Variants in NOL4 observed in about 807,000 individuals in gnomAD.
NOL4 encodes the protein cancer/testis antigen 125.
A neutral mutation model predicts 75.9 loss-of-function variants in NOL4; 17 were observed. The ratio of observed to expected loss-of-function variants is 0.22; its 90% CI spans 0.15 to 0.34. NOL4 has a LOEUF of 0.34. Among genes scored for constraint, NOL4 ranks in the 10% least tolerant of loss-of-function variants. The pLI, the probability that NOL4 is intolerant of heterozygous loss-of-function variation, is 1.00. For missense variants in NOL4, 614 were observed against 793.5 expected (o/e 0.77, Z 2.72); for synonymous variants, 292 against 289.9 (o/e 1.01, Z -0.07).
chr18:33,893,059 T>A (rs931896857), intron 9 of NOL4, among the ~76,000 whole-genome samples: 2 of 152,242 alleles, frequency 1.3e-5, no homozygotes, highest in African/African-American at 4.8e-5. Context: ...CCACATACAA[T>A]ACACTAGATA....
At chr18:33,900,382 C>T (rs1285874544) in intron 9 of NOL4, among the ~76,000 whole-genome samples, 2 of 152,112 alleles carry the variant, frequency 1.3e-5, no homozygotes, top group African/African-American at 4.8e-5. Flanking sequence ...CTGGGGATGA[C>T]AATTCAACAT....
chr18:33,963,587 T>C (rs2070330043), intron 6 of NOL4, among the ~76,000 whole-genome samples: 1 of 152,152 alleles, frequency 6.6e-6, no homozygotes, highest in Non-Finnish European at 1.5e-5. Context: ...TCCAAAGTTA[T>C]TAAAGAACCA....
chr18:34,122,895 C>T (rs2080210910), intron 2 of NOL4, among the ~76,000 whole-genome samples: 1 of 152,112 alleles, frequency 6.6e-6, no homozygotes, highest in Non-Finnish European at 1.5e-5. Flanking sequence ...CACTAGGAGG[C>T]ATTAACCAGC....
chr18:33,882,700 T>C (rs948603697), intron 10 of NOL4, among the ~76,000 whole-genome samples: 23 of 151,938 alleles, frequency 1.5e-4, no homozygotes, highest in Non-Finnish European at 1.0e-4. Flanking sequence ...GCAATCCCAT[T>C]ACTGGGTATA....
At chr18:33,958,903 T>C (rs2069876495) in intron 6 of NOL4, among the ~76,000 whole-genome samples, 1 of 152,136 alleles carries the variant, frequency 6.6e-6, no homozygotes, top group South Asian at 2.1e-4. Context: ...TAAACAGTTA[T>C]GGAAACTGAG....
intron 9 of NOL4, among the ~76,000 whole-genome samples, chr18:33,909,748 C>T (rs953916128): frequency 6.6e-6 from 1 of 151,678 alleles, no homozygotes; most frequent in African/African-American, 2.4e-5. Context: ...GGGAATATAT[C>T]AACAGAAAAA....
intron 9 of NOL4, among the ~76,000 whole-genome samples, chr18:33,898,883 C>T (rs1205229071): frequency 6.6e-6 from 1 of 152,032 alleles, no homozygotes; most frequent in Non-Finnish European, 1.5e-5. Context: ...TGTCACCTGC[C>T]CTTATGGCAC....
intron 8 of NOL4, among the ~76,000 whole-genome samples, chr18:33,954,624 G>A (rs930614698): frequency 6.6e-5 from 10 of 152,164 alleles, no homozygotes; most frequent in African/African-American, 2.4e-4. Flanking sequence ...GGTTGATGGA[G>A]CAATGCTCTG....
chr18:34,018,855 C>T (rs2074862956), intron 6 of NOL4, among the ~76,000 whole-genome samples: 1 of 152,078 alleles, frequency 6.6e-6, no homozygotes, highest in Non-Finnish European at 1.5e-5. Flanking sequence ...TATTTAGTGT[C>T]CACAAAGAAA....
intron 10 of NOL4, among the ~76,000 whole-genome samples, chr18:33,873,844 G>A (rs150708863): frequency 2.0e-5 from 3 of 151,990 alleles, no homozygotes; most frequent in Non-Finnish European, 2.9e-5. Flanking sequence ...TAAGAAATAC[G>A]CTTAGAATAT....
At chr18:33,950,954 G>T (rs1340810098) in intron 8 of NOL4, among the ~76,000 whole-genome samples, 1 of 152,074 alleles carries the variant, frequency 6.6e-6, no homozygotes, top group East Asian at 1.9e-4. Flanking sequence ...TATTTCAAGT[G>T]CTTTTGGTTT....
chr18:34,173,676 T>TTAA (rs1266172066), intron 1 of NOL4, among the ~76,000 whole-genome samples: 1 of 152,170 alleles, frequency 6.6e-6, no homozygotes, highest in Admixed American at 6.5e-5. Context: ...GTTTAAGTGG[T>TTAA]GCCAAGTTAC....
chr18:33,946,403 T>C (rs1330639175), intron 8 of NOL4, among the ~76,000 whole-genome samples: 1 of 151,742 alleles, frequency 6.6e-6, no homozygotes, highest in Admixed American at 6.6e-5. Flanking sequence ...AAAGTACTTA[T>C]ATTACTCATA....
chr18:34,045,085 T>G (rs1019430996), intron 5 of NOL4, among the ~76,000 whole-genome samples: 2 of 152,126 alleles, frequency 1.3e-5, no homozygotes, highest in Non-Finnish European at 2.9e-5. Context: ...TTATTTTATA[T>G]TAATTTTTTT....
At chr18:34,172,001 T>C (rs4313872) in intron 1 of NOL4, among the ~76,000 whole-genome samples, 30,425 of 151,868 alleles carry the variant, frequency 0.2, 3,200 homozygotes, top group Middle Eastern at 0.24. Context: ...TACAAAAGAA[T>C]GAGAGCTTTT....
chr18:34,134,872 G>T (rs184740995), intron 1 of NOL4, among the ~76,000 whole-genome samples: 1 of 152,048 alleles, frequency 6.6e-6, no homozygotes, highest in Non-Finnish European at 1.5e-5. Flanking sequence ...TTGGTCAGAC[G>T]AATCCAAAGG....
intron 2 of NOL4, among the ~76,000 whole-genome samples, chr18:34,119,455 A>C (rs911450169): frequency 6.6e-6 from 1 of 152,048 alleles, no homozygotes; most frequent in Non-Finnish European, 1.5e-5. Flanking sequence ...CAATATTAGC[A>C]TTACTCCAAT....
intron 6 of NOL4, among the ~76,000 whole-genome samples, chr18:33,965,580 T>C (rs975511723): frequency 3.3e-5 from 5 of 152,074 alleles, no homozygotes; most frequent in Admixed American, 6.6e-5. Flanking sequence ...CAGTGGGAGG[T>C]AGTTTAACCA....
intron 5 of NOL4, among the ~76,000 whole-genome samples, chr18:34,067,323 A>G (rs1328541559): frequency 2.0e-5 from 3 of 152,196 alleles, no homozygotes; most frequent in African/African-American, 4.8e-5. Context: ...AGCAGCAGGG[A>G]GGCTGTTGTA....
Sources: gnomAD v4.1 joint callset for allele counts (sites outside exome capture counted in the v4.1 genomes callset) on GRCh38, gnomAD v4.1.1 for gene constraint, MANE v1.5 for transcripts, NCBI Gene and HGNC (gene_info 2026-07-23, HGNC 2026-07-21) for gene names.